The following ASTN1 variants were observed in gnomAD, a reference collection of about 807,000 sequenced individuals.
ASTN1 encodes astrotactin-1.
Under a neutral mutation model 140.7 loss-of-function variants are expected in ASTN1, and 41 were observed. The ratio of observed to expected loss-of-function variants is 0.29; its 90% confidence interval spans 0.23 to 0.38. ASTN1 has a LOEUF of 0.38. ASTN1 is among the 10% of genes least tolerant of loss of function. ASTN1 has a pLI of 1.00. For missense variants in ASTN1, 1,479 were observed against 1,678.8 expected, an observed-to-expected ratio of 0.88 and a Z score of 2.08; for synonymous variants, 640 against 652.2, an observed-to-expected ratio of 0.98 and a Z score of 0.29.
At chr1:176,936,478 G>T (rs1671453395) in intron 14 of ASTN1, 108 bp from the exon 15 acceptor site, 2 of 811,980 alleles carry the variant, frequency 2.5e-6, no homozygotes, top group South Asian at 1.7e-5. Context: ...GTGAGAAAAT[G>T]ATTAAATGTT....
At chr1:176,885,326 C>A (rs1275449243) in intron 18 of ASTN1, among the ~76,000 whole-genome samples, 1 of 152,208 alleles carries the variant, frequency 6.6e-6, no homozygotes. Flanking sequence ...CCTCTCTGTA[C>A]CTCGCAGAAA....
At chr1:176,871,833 C>A (rs1343209733) in intron 21 of ASTN1, among the ~76,000 whole-genome samples, 1 of 152,216 alleles carries the variant, frequency 6.6e-6, no homozygotes, top group African/African-American at 2.4e-5. Flanking sequence ...TGCAGGTTCA[C>A]AGAAACCTTG....
chr1:177,011,049 A>G (rs985761609), intron 8 of ASTN1, among the ~76,000 whole-genome samples: 2 of 152,080 alleles, frequency 1.3e-5, no homozygotes, highest in Non-Finnish European at 2.9e-5. Flanking sequence ...CCTCTTTGCT[A>G]TCTAGTCTTT....
chr1:177,096,643 A>G lies in ASTN1; in HGVS notation c.284-35378T>C, dbSNP rs906006880. On this transcript the variant is annotated intron_variant, in intron 1 of 22. Transcript: ENST00000361833. ...CCCTGCTGTTGTTCTCTTGATAGTGAAAAAGTCTCATGAGATCTGTGGTTT... is the reference window on the plus strand; with the variant it reads ...CCCTGCTGTTGTTCTCTTGATAGTGGAAAAGTCTCATGAGATCTGTGGTTT... Among the ~76,000 whole-genome samples, 4 of 152,060 alleles carry G rather than the reference A, an allele frequency of 2.6e-5. No homozygotes were observed. In the East Asian group the frequency reaches 7.7e-4, roughly 29 times the overall value.
rs142262391 is a variant in ASTN1 at position 176,999,233 on chromosome 1, T to C, written c.1523+15558A>G. On this transcript the variant is annotated intron_variant, in intron 8 of 22. Transcript: ENST00000361833. The stretch of plus-strand genomic sequence containing the variant: ...CTTTGCCTTCTCCAGAGAAAGAGGA[T>C]GGATCAATTCTTTAAAACAATAAAG... 2.5e-4 allele frequency among the ~76,000 whole-genome samples: 38 copies of C among 152,288 alleles called. No homozygotes were observed. The East Asian group carries it at 7.0e-3, about 28-fold the overall frequency.
intron 21 of ASTN1, among the ~76,000 whole-genome samples, chr1:176,870,862 A>G (rs563380707): frequency 5.3e-5 from 8 of 152,342 alleles, no homozygotes; most frequent in Admixed American, 4.6e-4. Context: ...ATGATTGCCA[A>G]GAACTTTGCA....
Position 177,060,599 on chromosome 1 carries a change from C to T in ASTN1, c.471+479G>A, listed in dbSNP as rs549876382. On this transcript the variant is annotated intron_variant, in intron 2 of 22. Transcript: ENST00000361833. ...AATCTCGGCTCACTGCAACCTTCACCTCCTGTGTTCAAGCAATTCTCAGGT... is the reference window on the plus strand; with the variant it reads ...AATCTCGGCTCACTGCAACCTTCACTTCCTGTGTTCAAGCAATTCTCAGGT... Among the ~76,000 whole-genome samples the T allele has an allele frequency of 3.9e-5, 6 of 152,318 alleles. No homozygotes were observed. The South Asian group carries it at 1.0e-3, about 26-fold the overall frequency.
At chr1:176,913,328 T>C (rs184231731) in intron 16 of ASTN1, among the ~76,000 whole-genome samples, 74 of 152,350 alleles carry the variant, frequency 4.9e-4, no homozygotes, top group Non-Finnish European at 9.6e-4. Context: ...GTGGGTTTTT[T>C]CACAAATGTA....
chr1:177,026,155 TGGAAA>T (rs1676099792), intron 5 of ASTN1, among the ~76,000 whole-genome samples: 1 of 152,198 alleles, frequency 6.6e-6, no homozygotes, highest in South Asian at 2.1e-4. Context: ...TGGCAGTAGC[TGGAAA>T]GGAGAGACTT....
chr1:177,160,018 T>C (rs953180914), intron 1 of ASTN1, among the ~76,000 whole-genome samples: 3 of 152,242 alleles, frequency 2.0e-5, no homozygotes, highest in Non-Finnish European at 4.4e-5. Flanking sequence ...AAGAAGTATT[T>C]GCATAAAGAT....
At chr1:177,047,830 T>A (rs549495280) in intron 2 of ASTN1, among the ~76,000 whole-genome samples, 1 of 152,258 alleles carries the variant, frequency 6.6e-6, no homozygotes, top group African/African-American at 2.4e-5. Flanking sequence ...GTAATAAGAA[T>A]GAATGGGAAG....
chr1:176,991,186 T>C (rs926969143), intron 8 of ASTN1, among the ~76,000 whole-genome samples: 2 of 152,166 alleles, frequency 1.3e-5, no homozygotes, highest in Middle Eastern at 3.4e-3. Flanking sequence ...GGCAGGCAGA[T>C]CACCTGAGGT....
intron 1 of ASTN1, among the ~76,000 whole-genome samples, chr1:177,084,282 C>T (rs1051884856): frequency 1.4e-4 from 22 of 152,182 alleles, no homozygotes; most frequent in African/African-American, 5.1e-4. Context: ...AGAGACCCAT[C>T]TAGTTTTGCT....
At chr1:177,105,727 G>A (rs747740254) in intron 1 of ASTN1, among the ~76,000 whole-genome samples, 6 of 151,976 alleles carry the variant, frequency 3.9e-5, no homozygotes, top group Non-Finnish European at 8.8e-5. Flanking sequence ...TGAGAAATTG[G>A]TATATTCTCG....
chr1:177,113,669 C>T (rs1230742205), intron 1 of ASTN1, among the ~76,000 whole-genome samples: 2 of 152,218 alleles, frequency 1.3e-5, no homozygotes, highest in Non-Finnish European at 2.9e-5. Context: ...GTTCCAGAAG[C>T]TGGGCTGTGC....
intron 1 of ASTN1, among the ~76,000 whole-genome samples, chr1:177,154,242 A>T (rs1051578115): frequency 1.3e-5 from 2 of 152,218 alleles, no homozygotes; most frequent in Non-Finnish European, 1.5e-5. Context: ...ATGTTCTGCA[A>T]CAGTCAGAAT....
chr1:177,047,942 C>T (rs1332473451), intron 2 of ASTN1, among the ~76,000 whole-genome samples: 1 of 152,144 alleles, frequency 6.6e-6, no homozygotes, highest in Non-Finnish European at 1.5e-5. Flanking sequence ...ACCCTAGTGA[C>T]CTGGAACGAT....
intron 1 of ASTN1, among the ~76,000 whole-genome samples, chr1:177,163,931 G>A (rs1350118419): frequency 2.0e-5 from 3 of 152,180 alleles, no homozygotes; most frequent in Non-Finnish European, 4.4e-5. Flanking sequence ...GCAAGGTGAT[G>A]ACAGGATACC....
At chr1:176,961,909 A>C (rs1021071189) in intron 9 of ASTN1, among the ~76,000 whole-genome samples, 1 of 152,176 alleles carries the variant, frequency 6.6e-6, no homozygotes, top group African/African-American at 2.4e-5. Flanking sequence ...TCAGCTGTGC[A>C]CTGAGTCCTG....
Sources: gnomAD v4.1 joint callset for allele counts (sites outside exome capture counted in the v4.1 genomes callset) on GRCh38, gnomAD v4.1.1 for gene constraint, MANE v1.5 for transcripts, NCBI Gene and HGNC (gene_info 2026-07-23, HGNC 2026-07-21) for gene names.